The following RASGEF1A variants were observed in gnomAD, a reference collection of about 807,000 sequenced individuals.
RASGEF1A encodes the protein ras-GEF domain-containing family member 1A.
RASGEF1A carries 18 observed loss-of-function variants against 56.4 expected under a neutral mutation model. The observed-to-expected ratio is 0.32, with a 90% confidence interval of 0.22 to 0.47. RASGEF1A has a LOEUF of 0.47. Among genes scored for constraint, RASGEF1A ranks in the 20% least tolerant of loss-of-function variants. The pLI, the probability that RASGEF1A is intolerant of heterozygous loss-of-function variation, is 1.00. For missense variants in RASGEF1A, 422 were observed against 627.1 expected, an observed-to-expected ratio of 0.67 and a Z score of 3.49; for synonymous variants, 245 against 242.6, an observed-to-expected ratio of 1.01 and a Z score of -0.09.
At position 43,206,139 on chromosome 10, in the gene RASGEF1A, A is replaced by G; in HGVS notation, c.-6-17T>C. The G allele has an allele frequency of 6.4e-7, 1 of 1,553,024 alleles. No homozygotes were observed. ...CATAGTTTCCTGGGAGAAAAGAGCA[A>G]GGACATGAGGCATCAAAGGCGCCTC... On this transcript the variant is annotated splice_polypyrimidine_tract_variant and intron_variant, in intron 1 of 12. Coordinates refer to ENST00000395810, the MANE Select transcript of RASGEF1A (RefSeq NM_145313.4).
At chr10:43,252,930 C>T (rs1840643791) in intron 1 of RASGEF1A, among the ~76,000 whole-genome samples, 1 of 152,138 alleles carries the variant, frequency 6.6e-6, no homozygotes, top group Non-Finnish European at 1.5e-5. Context: ...CCCACTGGAA[C>T]CCACAATCTG....
At chr10:43,258,881 A>G (rs1322360297) in intron 1 of RASGEF1A, among the ~76,000 whole-genome samples, 1 of 152,336 alleles carries the variant, frequency 6.6e-6, no homozygotes, top group East Asian at 1.9e-4. Flanking sequence ...CCCGGGAAGG[A>G]CAGCTGGGGG....
At chr10:43,198,432 C>G (rs1486967909) in intron 9 of RASGEF1A, among the ~76,000 whole-genome samples, 1 of 152,236 alleles carries the variant, frequency 6.6e-6, no homozygotes, top group East Asian at 1.9e-4. Flanking sequence ...CACTGCCCTG[C>G]CTGCCAGGCC....
intron 1 of RASGEF1A, among the ~76,000 whole-genome samples, chr10:43,243,967 A>G (rs558525276): frequency 5.8e-4 from 88 of 152,288 alleles, no homozygotes; most frequent in African/African-American, 1.9e-3. Flanking sequence ...TGGGGAAAAG[A>G]AAGAGAGATC....
At position 43,243,232 on chromosome 10, in the gene RASGEF1A, T is replaced by C. The variant is rs563827243; in HGVS notation, c.-7+23613A>G. On this transcript the variant is annotated intron_variant, in intron 1 of 12. Transcript: ENST00000395810. ...GCTTCTGCCCGGCCGCCACCCTGTC[T>C]AGGAAGTGAGAAGTGTCTCTGCCTG... Among the ~76,000 whole-genome samples, 376 of 143,438 alleles carry C rather than the reference T, an allele frequency of 2.6e-3. 3 individuals carry two copies. Among genetic ancestry groups the C allele is most frequent in the African/African-American group, 9.8e-3 (370 of 37,684 alleles). The allele number at this position is 143,438 out of a possible 152,430, so 94.1% of individuals were successfully genotyped here.
intron 1 of RASGEF1A, among the ~76,000 whole-genome samples, chr10:43,262,694 C>T (rs892561390): frequency 6.6e-6 from 1 of 152,334 alleles, no homozygotes; most frequent in Admixed American, 6.5e-5. Flanking sequence ...AGAGCAGCCC[C>T]GGGCCCCCTG....
chr10:43,211,518 C>T (rs531243206), intron 1 of RASGEF1A, among the ~76,000 whole-genome samples: 14 of 152,322 alleles, frequency 9.2e-5, no homozygotes, highest in Middle Eastern at 3.4e-3. Flanking sequence ...AGGCACAGGG[C>T]TCTCCCCAGG....
intron 1 of RASGEF1A, among the ~76,000 whole-genome samples, chr10:43,248,364 TAAAAAAAAAAA>T (rs34561814): frequency 3.6e-5 from 4 of 111,420 alleles, no homozygotes; most frequent in African/African-American, 6.8e-5. Flanking sequence ...ACTCGGTCTT[TAAAAAAAAAAA>T]AAAAAAAAAA....
chr10:43,241,238 T>C (rs1259693237), intron 1 of RASGEF1A, among the ~76,000 whole-genome samples: 3 of 152,200 alleles, frequency 2.0e-5, no homozygotes, highest in African/African-American at 7.2e-5. Context: ...ACTCTATTTT[T>C]CTCCTATTTG....
chr10:43,232,521 C>T (rs71505666), intron 1 of RASGEF1A, among the ~76,000 whole-genome samples: 2,994 of 146,110 alleles, frequency 0.02, 52 homozygotes, highest in Middle Eastern at 0.039. Flanking sequence ...GAGTCTCCCT[C>T]TATCACCCAG....
intron 1 of RASGEF1A, among the ~76,000 whole-genome samples, chr10:43,224,876 C>T (rs1357582369): frequency 1.3e-5 from 2 of 152,196 alleles, no homozygotes; most frequent in Admixed American, 1.3e-4. Context: ...AGTAAGGTAT[C>T]AATAATCAAT....
rs796334148 is a variant in RASGEF1A, at chr10:43,197,172, T to C, written c.1225-73A>G. The C allele has an allele frequency of 5.5e-5, 86 of 1,557,280 alleles. No individual in the cohort carries two copies. The African/African-American group carries it at 9.1e-4, about 16-fold the overall frequency. On this transcript the variant is annotated intron_variant, in intron 10 of 12. Coordinates refer to ENST00000395810, the MANE Select transcript of RASGEF1A (RefSeq NM_145313.4). ...AAACCCTCGGTCAGGGCAGGGGACG[T>C]AGGTTTTGGCCTCAGCCTCCTGCTC...
At chr10:43,227,077 G>C (rs2133206845) in intron 1 of RASGEF1A, among the ~76,000 whole-genome samples, 1 of 152,308 alleles carries the variant, frequency 6.6e-6, no homozygotes, top group East Asian at 1.9e-4. Flanking sequence ...GGATAACCAG[G>C]GGTTTTCCAG....
In RASGEF1A at chr10:43,252,675, A is replaced by G. The variant is rs117311408; in HGVS notation, c.-7+14170T>C. On this transcript the variant is annotated intron_variant, in intron 1 of 12. Transcript: ENST00000395810. ...GTCTGATTTCCCCTCACATGTCCTA[A>G]GCTCAGGGGCTTTTTAGCACAGACA... 9.3e-3 allele frequency among the ~76,000 whole-genome samples: 1,416 copies of G among 152,186 alleles called. 15 individuals are homozygous for G. Among genetic ancestry groups the G allele is most frequent in the East Asian group, 0.047 (243 of 5,162 alleles).
In RASGEF1A at chr10:43,219,891, A is replaced by G. The variant is rs371841208; in HGVS notation, c.-6-13769T>C. 6.6e-5 allele frequency among the ~76,000 whole-genome samples: 10 copies of G among 152,348 alleles called. No homozygotes were observed. The East Asian group carries it at 9.7e-4, about 15-fold the overall frequency. ...ATAAAAATCCATTTCCCTCACTTGA[A>G]TTGTCCTCCTGGCAGATGGCTGTGG... On this transcript the variant is annotated intron_variant, in intron 1 of 12. Coordinates refer to ENST00000395810, the MANE Select transcript of RASGEF1A (RefSeq NM_145313.4).
chr10:43,224,957 T>C (rs147901669), intron 1 of RASGEF1A, among the ~76,000 whole-genome samples: 2,840 of 152,292 alleles, frequency 0.019, 37 homozygotes, highest in Non-Finnish European at 0.03. Context: ...TGTCTGCCCA[T>C]AAGTCTGTGT....
At chr10:43,215,018 G>A (rs1048578272) in intron 1 of RASGEF1A, among the ~76,000 whole-genome samples, 2 of 152,234 alleles carry the variant, frequency 1.3e-5, no homozygotes, top group South Asian at 2.1e-4. Flanking sequence ...GCACCTGGCA[G>A]GGGCATGGCC....
chr10:43,206,673 G>A, intron 1 of RASGEF1A: 1 of 988,190 alleles, frequency 1.0e-6, no homozygotes, highest in Non-Finnish European at 1.2e-6. Flanking sequence ...GAGCACAGTG[G>A]TCTGACTTAC....
chr10:43,263,714 G>C (rs1044660533), intron 1 of RASGEF1A, among the ~76,000 whole-genome samples: 1 of 152,158 alleles, frequency 6.6e-6, no homozygotes, highest in African/African-American at 2.4e-5. Flanking sequence ...GGGCAGGGCG[G>C]GCAACCACAG....
Sources: allele counts gnomAD v4.1 joint callset (sites outside exome capture counted in the v4.1 genomes callset), GRCh38; gene constraint gnomAD v4.1.1; transcripts MANE v1.5; gene names NCBI Gene and HGNC (gene_info 2026-07-23, HGNC 2026-07-21).